The following SEC11C variants were observed in gnomAD, a reference collection of about 807,000 sequenced individuals.
SEC11C encodes the protein signal peptidase complex catalytic subunit SEC11C.
SEC11C carries 10 observed loss-of-function variants against 21.9 expected under a neutral mutation model. The observed-to-expected ratio is 0.46, with a 90% CI of 0.28 to 0.77. The LOEUF is 0.77. Ranked by LOEUF, SEC11C falls within the 30% of genes least tolerant of loss-of-function variation. The probability of loss-of-function intolerance (pLI) is 0.12; values close to 1 mark genes in which losing one functional copy is unlikely to be tolerated. For synonymous variants in SEC11C, 83 were observed against 85.6 expected, an observed-to-expected ratio of 0.97 and a Z score of 0.17; for missense variants, 145 against 244.5, an observed-to-expected ratio of 0.59 and a Z score of 2.71.
intron 1 of SEC11C, among the ~76,000 whole-genome samples, chr18:59,145,593 A>G (rs2069265217): frequency 6.6e-6 from 1 of 152,220 alleles, no homozygotes; most frequent in Admixed American, 6.5e-5. Flanking sequence ...GCAGGGTTAT[A>G]TCAGACAGGG....
intron 2 of SEC11C, among the ~76,000 whole-genome samples, chr18:59,150,596 G>A (rs2069338449): frequency 6.6e-6 from 1 of 152,250 alleles, no homozygotes; most frequent in African/African-American, 2.4e-5. Context: ...TGGGGTTGGG[G>A]TGGGTAGATT....
chr18:59,151,559 T>A (rs535649551), intron 2 of SEC11C, among the ~76,000 whole-genome samples: 3 of 152,300 alleles, frequency 2.0e-5, no homozygotes, highest in African/African-American at 7.2e-5. Flanking sequence ...AGGTACTTAG[T>A]GACAGGCTGC....
At position 59,152,557 on chromosome 18, in the gene SEC11C, TCA is replaced by T; in HGVS notation, c.222_223del (p.His74GlnfsTer19). ...CCAGTGGCAGTATGGAGCCGGCCTTTCACAGAGGAGACCTCCTGTTCCTCACA... is the reference window on the plus strand; with the variant it reads ...CCAGTGGCAGTATGGAGCCGGCCTTTCAGAGGAGACCTCCTGTTCCTCACA... Reference protein sequence around the residue: ...VLSGSMEPAFHRGDLLFLTNF... With the variant: ...VLSGSMEPAFXRGDLLFLTNF... On this transcript the variant is annotated frameshift_variant, in exon 3 of 6. Coordinates refer to ENST00000587834, the MANE Select transcript of SEC11C (RefSeq NM_033280.4). LOFTEE classifies it high-confidence loss of function. The T allele has an allele frequency of 1.2e-6, 2 of 1,607,370 alleles. No individual in the cohort carries two copies. Among genetic ancestry groups the T allele is most frequent in the Non-Finnish European group, 1.7e-6 (2 of 1,178,286 alleles).
intron 2 of SEC11C, among the ~76,000 whole-genome samples, chr18:59,151,013 A>G (rs1041630812): frequency 1.8e-4 from 28 of 152,114 alleles, no homozygotes; most frequent in African/African-American, 6.8e-4. Flanking sequence ...TTGGTTTGTC[A>G]ACATAAACCA....
chr18:59,141,231 AC>A (rs933630436), intron 1 of SEC11C, among the ~76,000 whole-genome samples: 4 of 152,208 alleles, frequency 2.6e-5, no homozygotes, highest in African/African-American at 7.2e-5. Context: ...TATTTCATCA[AC>A]CGTGTTTAGG....
At chr18:59,147,854 T>G (rs574484354) in intron 1 of SEC11C, 1 of 152,422 alleles carries the variant, frequency 6.6e-6, no homozygotes, top group East Asian at 1.9e-4. Context: ...GTGGGGGTTA[T>G]GGCTCCCACC....
At chr18:59,156,976 G>A (rs1245295062) in intron 4 of SEC11C, 1 of 152,284 alleles carries the variant, frequency 6.6e-6, no homozygotes, top group Admixed American at 6.5e-5. Flanking sequence ...GTACCTATGG[G>A]TGTGTTACCT....
chr18:59,141,870 T>C lies in SEC11C; in HGVS notation c.87+1835T>C, dbSNP rs546032784. Among the ~76,000 whole-genome samples the C allele has an allele frequency of 2.5e-3, 381 of 152,352 alleles. 2 individuals are homozygous for C. The highest frequency in any genetic ancestry group is 8.7e-3 in the African/African-American group (363 of 41,574). On this transcript the variant is annotated intron_variant, in intron 1 of 5. Transcript: ENST00000587834. Reference sequence around the variant, plus strand: ...ATACAGCTACTGGCAGTGCTGCTGCTGTCAGCCAGAATATTTGATCTGAAA... The same window carrying C: ...ATACAGCTACTGGCAGTGCTGCTGCCGTCAGCCAGAATATTTGATCTGAAA...
intron 1 of SEC11C, among the ~76,000 whole-genome samples, chr18:59,140,831 A>G (rs529961801): frequency 6.6e-6 from 1 of 152,164 alleles, no homozygotes; most frequent in African/African-American, 2.4e-5. Flanking sequence ...CTTCACTATA[A>G]GGTTAAGAGT....
intron 1 of SEC11C, chr18:59,147,816 A>G (rs2069294780): frequency 6.6e-6 from 1 of 152,282 alleles, no homozygotes; most frequent in African/African-American, 2.4e-5. Context: ...GGGAACAGAA[A>G]TCTCTGGAGG....
chr18:59,153,328 A>G (rs1039269458), intron 3 of SEC11C: 3 of 152,222 alleles, frequency 2.0e-5, no homozygotes, highest in African/African-American at 7.2e-5. Context: ...AGTACTTCAC[A>G]TGATTAGTAA....
At chr18:59,140,202 T>C (rs1351907660) in intron 1 of SEC11C, among the ~76,000 whole-genome samples, 167 bp downstream of exon 1, 1 of 152,218 alleles carries the variant, frequency 6.6e-6, no homozygotes. Flanking sequence ...CGTGTGGGCA[T>C]GGGTGTGCAC....
Position 59,140,013 on chromosome 18 carries a change from TGAA to T in SEC11C, c.71_73del (p.Lys24del). The T allele has an allele frequency of 6.3e-7, 1 of 1,589,274 alleles. No homozygotes were observed. The highest frequency in any genetic ancestry group is 8.6e-7 in the Non-Finnish European group (1 of 1,165,254). ...TCCGGCTTGGATATCTTCGGGGACC[TGAA>T]GAAGATGAACAAGCGCCAGGTGACG... On this transcript the variant is annotated inframe_deletion, in exon 1 of 6. Coordinates refer to ENST00000587834, the MANE Select transcript of SEC11C (RefSeq NM_033280.4).
In SEC11C at chr18:59,139,953, T is replaced by G. The variant is rs770445941; in HGVS notation, c.5T>G (p.Val2Gly). ...TAGGTCCCCGGAGACCCTGCTATGG[T>G]GCGTGCGGGCGCCGTGGGGGCTCAT... Reference protein sequence around the residue: MVRAGAVGAHLP... With the variant: MGRAGAVGAHLP... Residue 2 changes from valine to glycine, a missense_variant, in exon 1 of 6, where the codon GTG becomes GGG. Transcript: ENST00000587834. 1 of 1,585,190 alleles carries G rather than the reference T, an allele frequency of 6.3e-7. No homozygotes were observed. The highest frequency in any genetic ancestry group is 1.1e-5 in the South Asian group (1 of 87,824).
rs140880924 is a variant in SEC11C, at chr18:59,150,451, C to T, written c.197+829C>T. The stretch of plus-strand genomic sequence containing the variant: ...GATCCATGCCTCACCAGGCCGCCCT[C>T]ATGTGGTTGGCCAAGGGGCACACTT... On this transcript the variant is annotated intron_variant, in intron 2 of 5. Coordinates refer to ENST00000587834, the MANE Select transcript of SEC11C (RefSeq NM_033280.4). 5.7e-3 allele frequency among the ~76,000 whole-genome samples: 869 copies of T among 152,384 alleles called. 11 individuals are homozygous for T. Among genetic ancestry groups the T allele is most frequent in the Middle Eastern group, 0.01 (3 of 294 alleles).
At chr18:59,153,568 T>C (rs978249623) in intron 3 of SEC11C, among the ~76,000 whole-genome samples, 9 of 152,192 alleles carry the variant, frequency 5.9e-5, no homozygotes, top group Non-Finnish European at 1.3e-4. Context: ...CTTCTTTTTT[T>C]GAGATGGAGT....
intron 3 of SEC11C, among the ~76,000 whole-genome samples, chr18:59,155,394 T>G (rs1311368999): frequency 6.6e-6 from 1 of 152,202 alleles, no homozygotes; most frequent in Non-Finnish European, 1.5e-5. Context: ...AAGAAGGAAT[T>G]CTTCATTGTG....
chr18:59,156,339 G>A (rs1603378313), intron 4 of SEC11C: 2 of 152,272 alleles, frequency 1.3e-5, no homozygotes, highest in Non-Finnish European at 2.9e-5. Flanking sequence ...GTACAGATGT[G>A]TGTTATGCAT....
In SEC11C at chr18:59,141,685, T is replaced by C. The variant is rs577329655; in HGVS notation, c.87+1650T>C. ...TTGTCTTTTTTTTTTTTTCTCTTCTTCCCTCCAAAATAGCATCTTATGACA... is the reference window on the plus strand; with the variant it reads ...TTGTCTTTTTTTTTTTTTCTCTTCTCCCCTCCAAAATAGCATCTTATGACA... On this transcript the variant is annotated intron_variant, in intron 1 of 5. Transcript: ENST00000587834. Among the ~76,000 whole-genome samples the C allele has an allele frequency of 1.6e-4, 25 of 152,000 alleles. No individual in the cohort carries two copies. In the East Asian group the frequency reaches 4.1e-3, roughly 25 times the overall value.
Sources: gnomAD v4.1 joint callset for allele counts (sites outside exome capture counted in the v4.1 genomes callset) on GRCh38, gnomAD v4.1.1 for gene constraint, MANE v1.5 for transcripts, NCBI Gene and HGNC (gene_info 2026-07-23, HGNC 2026-07-21) for gene names.